The following GTF3C1 variants were observed in gnomAD, a reference collection of about 807,000 sequenced individuals.
The protein encoded by GTF3C1 is general transcription factor 3C polypeptide 1.
GTF3C1 carries 57 observed loss-of-function variants against 226.7 expected under a neutral mutation model. That is an observed-to-expected ratio of 0.25 (90% CI 0.20 to 0.31). The LOEUF is 0.31. GTF3C1 is among the 10% of genes least tolerant of loss of function. GTF3C1 has a pLI of 1.00. For synonymous variants in GTF3C1, 1,090 were observed against 1,084.8 expected, an observed-to-expected ratio of 1.00 and a Z score of -0.09; for missense variants, 2,217 against 2,776.1, an observed-to-expected ratio of 0.80 and a Z score of 4.53.
intron 13 of GTF3C1, 75 bp from the exon 14 acceptor site, chr16:27,497,896 T>G (rs550163306): frequency 8.1e-7 from 1 of 1,229,904 alleles, no homozygotes; most frequent in African/African-American, 1.5e-5. Context: ...TCTGTCTGCA[T>G]GAATCAGATA....
In GTF3C1 at chr16:27,499,699, C is replaced by T. The variant is rs137961211; in HGVS notation, c.2062-966G>A. ...GTGGTTTTGTGAAGCTCAAATGAGA[C>T]GCAGTAAGGCAACATTTCAGAGAAT... On this transcript the variant is annotated intron_variant, in intron 12 of 36. Coordinates refer to ENST00000356183, the MANE Select transcript of GTF3C1 (RefSeq NM_001520.4). 1.9e-3 allele frequency among the ~76,000 whole-genome samples: 284 copies of T among 152,244 alleles called. 2 individuals carry two copies. The highest frequency in any genetic ancestry group is 4.4e-3 in the South Asian group (21 of 4,812).
chr16:27,464,311 G>A lies in GTF3C1; in HGVS notation c.5872+9C>T, dbSNP rs766347809. 1.4e-5 allele frequency: 20 copies of A among 1,451,754 alleles called. No homozygotes were observed. Among genetic ancestry groups the A allele is most frequent in the African/African-American group, 8.8e-5 (6 of 68,326 alleles). The allele number at this position is 1,451,754 out of a possible 1,614,324, so 89.9% of individuals were successfully genotyped here. Reference sequence around the variant, plus strand: ...GGTGAGGTGGGGTGGGGGACAAGGCGCGCGGTACCTCTGGGGTCTTCAGAG... The same window carrying A: ...GGTGAGGTGGGGTGGGGGACAAGGCACGCGGTACCTCTGGGGTCTTCAGAG... On this transcript the variant is annotated intron_variant, in intron 34 of 36. Coordinates refer to ENST00000356183, the MANE Select transcript of GTF3C1 (RefSeq NM_001520.4).
chr16:27,539,765 C>T (rs2089054951), intron 2 of GTF3C1, among the ~76,000 whole-genome samples: 1 of 152,158 alleles, frequency 6.6e-6, no homozygotes, highest in Non-Finnish European at 1.5e-5. Context: ...TACATTAAGG[C>T]TTTTATCGTG....
rs2141348222 is a variant in GTF3C1 at position 27,470,014 on chromosome 16, A to G, written c.4814+94T>C. 2.0e-6 allele frequency: 2 copies of G among 988,610 alleles called. No individual in the cohort carries two copies. Among genetic ancestry groups the G allele is most frequent in the East Asian group, 2.4e-5 (1 of 41,936 alleles). The allele number at this position is 988,610 out of a possible 1,614,324, so 61.2% of individuals were successfully genotyped here. A position where few individuals can be genotyped will look rare whatever the true frequency, so the allele number is the denominator to read the frequency against. The stretch of plus-strand genomic sequence containing the variant: ...ACTCATCTGCAACTCCCATCCCACA[A>G]GCTCCCAGAAGGCACTGCTGACCCC... On this transcript the variant is annotated intron_variant, in intron 31 of 36. Coordinates refer to ENST00000356183, the MANE Select transcript of GTF3C1 (RefSeq NM_001520.4). The surrounding 1 kb of genome is among the most constrained non-coding windows in gnomAD (Gnocchi z 4.9).
At chr16:27,539,897 T>C (rs1487338689) in intron 2 of GTF3C1, among the ~76,000 whole-genome samples, 1 of 152,170 alleles carries the variant, frequency 6.6e-6, no homozygotes, top group Non-Finnish European at 1.5e-5. Flanking sequence ...AATTACCCAG[T>C]TTGTGGTATT....
rs1054138164 is a variant in GTF3C1, at chr16:27,471,096, A to C, written c.4526+652T>G. 6.6e-6 allele frequency among the ~76,000 whole-genome samples: 1 copy of C among 152,234 alleles called. No individual in the cohort carries two copies. Among genetic ancestry groups the C allele is most frequent in the Non-Finnish European group, 1.5e-5 (1 of 68,034 alleles). ...GGGGAAGGGATGGGATCAAAGAACC[A>C]AAAGAAGATTCATGGTGCTGTCTCT... On this transcript the variant is annotated intron_variant, in intron 30 of 36. Coordinates refer to ENST00000356183, the MANE Select transcript of GTF3C1 (RefSeq NM_001520.4). The surrounding 1 kb of genome is among the most constrained non-coding windows in gnomAD (Gnocchi z 5.0).
chr16:27,474,957 C>T (rs1016517175), intron 29 of GTF3C1, among the ~76,000 whole-genome samples: 1 of 152,254 alleles, frequency 6.6e-6, no homozygotes, highest in African/African-American at 2.4e-5. Context: ...AAATCAAATG[C>T]ACACTCTGTC....
intron 25 of GTF3C1, chr16:27,483,430 G>A (rs1171953734): frequency 2.6e-5 from 14 of 536,868 alleles, no homozygotes; most frequent in Non-Finnish European, 5.0e-5. Context: ...CATATGGGCT[G>A]ACCTATGTGA....
intron 26 of GTF3C1, chr16:27,482,716 A>C: frequency 2.3e-6 from 1 of 443,308 alleles, no homozygotes; most frequent in Non-Finnish European, 4.5e-6. Flanking sequence ...GAAAACTCGG[A>C]AAGAAAACCC....
chr16:27,498,223 G>A (rs2088349222), intron 13 of GTF3C1, among the ~76,000 whole-genome samples: 2 of 152,226 alleles, frequency 1.3e-5, no homozygotes, highest in Non-Finnish European at 2.9e-5. Flanking sequence ...GCCTGCCTGT[G>A]AGAGTTTCTA....
intron 7 of GTF3C1, among the ~76,000 whole-genome samples, chr16:27,509,021 G>A (rs1402622104): frequency 6.6e-6 from 1 of 152,184 alleles, no homozygotes; most frequent in Non-Finnish European, 1.5e-5. Flanking sequence ...TCAGATCAAT[G>A]AAATTGACCT....
chr16:27,492,757 G>C lies in GTF3C1; in HGVS notation c.2877-44C>G, dbSNP rs548464328. 2.0e-6 allele frequency: 2 copies of C among 1,019,886 alleles called. No individual in the cohort carries two copies. The highest frequency in any genetic ancestry group is 3.1e-6 in the Non-Finnish European group (2 of 637,678). 63.2% of individuals were successfully genotyped at this position (1,019,886 alleles called of 1,614,324 possible). A position where few individuals can be genotyped will look rare whatever the true frequency, so the allele number is the denominator to read the frequency against. ...GGGAGGTTCTCATCACACCACACTCGCAGCCGGCCGCAGGGGTCTGCATGT... is the reference window on the plus strand; with the variant it reads ...GGGAGGTTCTCATCACACCACACTCCCAGCCGGCCGCAGGGGTCTGCATGT... On this transcript the variant is annotated intron_variant, in intron 17 of 36. Transcript: ENST00000356183. This position sits in a 1 kb window ranked among gnomAD's most constrained non-coding sequence, Gnocchi z 5.0.
intron 2 of GTF3C1, 85 bp downstream of exon 2, chr16:27,545,229 G>A (rs534429731): frequency 4.9e-5 from 46 of 933,644 alleles, no homozygotes; most frequent in Non-Finnish European, 7.4e-5. Flanking sequence ...CACCTGCCTC[G>A]GCCTCTTAAA....
chr16:27,505,014 T>C (rs1404096203), intron 10 of GTF3C1, among the ~76,000 whole-genome samples: 1 of 152,070 alleles, frequency 6.6e-6, no homozygotes, highest in African/African-American at 2.4e-5. Context: ...ATCTACTCCG[T>C]GCTAGGTGCC....
intron 26 of GTF3C1, chr16:27,482,486 G>A (rs2088068590): frequency 2.2e-6 from 1 of 455,996 alleles, no homozygotes; most frequent in Admixed American, 2.3e-5. Context: ...CAATGGCCAT[G>A]TACTTCTCTG....
In GTF3C1 at chr16:27,462,018, C is replaced by A; in HGVS notation, c.6117+276G>T. ...GGGGGCAGCTGCTTGACCCGTGGGG[C>A]CCGGCGGACTCATGAGTTAGTGACC... On this transcript the variant is annotated intron_variant, in intron 36 of 36. Coordinates refer to ENST00000356183, the MANE Select transcript of GTF3C1 (RefSeq NM_001520.4). The surrounding 1 kb of genome is among the most constrained non-coding windows in gnomAD (Gnocchi z 4.5). 2.2e-6 allele frequency: 1 copy of A among 459,310 alleles called. No individual in the cohort carries two copies. Among genetic ancestry groups the A allele is most frequent in the Non-Finnish European group, 3.9e-6 (1 of 255,680 alleles). The allele number at this position is 459,310 out of a possible 1,614,324, so 28.5% of individuals were successfully genotyped here. A position where few individuals can be genotyped will look rare whatever the true frequency, so the allele number is the denominator to read the frequency against.
intron 1 of GTF3C1, among the ~76,000 whole-genome samples, chr16:27,545,743 G>C (rs1439027117): frequency 1.4e-4 from 21 of 152,260 alleles, no homozygotes; most frequent in Middle Eastern, 3.4e-3. Context: ...CCAGAAGCTG[G>C]GTGCTGGGAC....
At chr16:27,542,475 C>T (rs919076088) in intron 2 of GTF3C1, among the ~76,000 whole-genome samples, 2 of 151,848 alleles carry the variant, frequency 1.3e-5, no homozygotes, top group African/African-American at 2.4e-5. Context: ...GCAGGAGAAT[C>T]GCTTTAACCT....
At position 27,508,605 on chromosome 16, in the gene GTF3C1, T is replaced by C. The variant is rs747889246; in HGVS notation, c.1177A>G (p.Met393Val). Residue 393 changes from methionine (M) to valine (V), a missense_variant, in exon 8 of 37, where the codon ATG becomes GTG. Physicochemically the swap from Met to Val is conservative, Grantham distance 21. Coordinates refer to ENST00000356183, the MANE Select transcript of GTF3C1 (RefSeq NM_001520.4). ...CTTGCTTCTAGTTTTCCCACATTCATAGCCACTCGGATTTCAGCTTGGGAA... is the reference window on the plus strand; with the variant it reads ...CTTGCTTCTAGTTTTCCCACATTCACAGCCACTCGGATTTCAGCTTGGGAA... Reference protein sequence around the residue: ...GISQAEIRVAMNVGKLEARML... With the variant: ...GISQAEIRVAVNVGKLEARML... 4.3e-6 allele frequency: 7 copies of C among 1,614,124 alleles called. No individual in the cohort carries two copies. The highest frequency in any genetic ancestry group is 1.3e-5 in the African/African-American group (1 of 74,960).
Sources: allele counts gnomAD v4.1 joint callset (sites outside exome capture counted in the v4.1 genomes callset), GRCh38; gene constraint gnomAD v4.1.1; non-coding constraint Gnocchi (gnomAD v3.1); transcripts MANE v1.5; gene names NCBI Gene and HGNC (gene_info 2026-07-23, HGNC 2026-07-21).